FSIP1: variants seen among roughly 807,000 people sequenced by gnomAD.
The protein encoded by FSIP1 is fibrous sheath-interacting protein 1.
Under a neutral mutation model 60.9 loss-of-function variants are expected in FSIP1, and 65 were observed. That is an observed-to-expected ratio of 1.07 (90% confidence interval 0.87 to 1.31). The LOEUF (loss-of-function observed/expected upper bound fraction) is 1.31, where lower values mean the gene tolerates loss of function less well. Ranked by LOEUF, FSIP1 falls within the 40% of genes most tolerant of loss-of-function variation. FSIP1 has a pLI of 0.00. For synonymous variants in FSIP1, 209 were observed against 221.2 expected (o/e 0.94, Z 0.49); for missense variants, 675 against 665.5 (o/e 1.01, Z -0.16).
At chr15:39,766,552 G>A (rs1897696228) in intron 3 of FSIP1, among the ~76,000 whole-genome samples, 1 of 152,168 alleles carries the variant, frequency 6.6e-6, no homozygotes, top group African/African-American at 2.4e-5. Flanking sequence ...TTACACGTAT[G>A]TCCAAGGTCA....
intron 10 of FSIP1, among the ~76,000 whole-genome samples, chr15:39,711,859 T>G (rs1895528942): frequency 6.6e-6 from 1 of 151,840 alleles, no homozygotes; most frequent in African/African-American, 2.4e-5. Context: ...TAATTTTTTT[T>G]GTATTTTAGT....
chr15:39,696,792 G>A (rs1894829749), intron 10 of FSIP1, among the ~76,000 whole-genome samples: 1 of 150,602 alleles, frequency 6.6e-6, no homozygotes, highest in Admixed American at 6.7e-5. Context: ...TTTGTAAAAA[G>A]ACAAAAAAAG....
chr15:39,762,626 G>T (rs989239678), intron 5 of FSIP1, among the ~76,000 whole-genome samples: 1 of 152,210 alleles, frequency 6.6e-6, no homozygotes, highest in Non-Finnish European at 1.5e-5. Context: ...CAGCATGGCA[G>T]CCTTGGGTAA....
chr15:39,751,357 G>A (rs867168349), intron 5 of FSIP1, among the ~76,000 whole-genome samples: 16 of 151,238 alleles, frequency 1.1e-4, no homozygotes, highest in Middle Eastern at 3.4e-3. Flanking sequence ...TAATAGCCAA[G>A]ATATGGAAAC....
chr15:39,628,979 A>ACAT (rs1275733027), intron 10 of FSIP1, among the ~76,000 whole-genome samples: 1 of 152,222 alleles, frequency 6.6e-6, no homozygotes, highest in Non-Finnish European at 1.5e-5. Flanking sequence ...CAATGCTGGA[A>ACAT]CATCAATAGC....
rs185299127 is a variant in FSIP1 at position 39,613,664 on chromosome 15, G to T, written c.1699+4071C>A. Among the ~76,000 whole-genome samples, 1,421 of 151,324 alleles carry T rather than the reference G, an allele frequency of 9.4e-3. 24 individuals are homozygous for T. Among genetic ancestry groups the T allele is most frequent in the African/African-American group, 0.033 (1,359 of 41,062 alleles). On this transcript the variant is annotated intron_variant, in intron 11 of 11. Transcript: ENST00000350221. ...AAGAATACCACAAGAAAAAAAAATT[G>T]CAGGCCAATATCCCTGATAAACACA... is the stretch of plus-strand genomic sequence containing the variant.
intron 5 of FSIP1, among the ~76,000 whole-genome samples, chr15:39,745,814 G>A (rs4924386): frequency 0.27 from 40,870 of 151,984 alleles, 6,692 homozygotes; most frequent in Non-Finnish European, 0.38. Context: ...AGAGCCTGGC[G>A]TGGCTCACAC....
At chr15:39,694,485 G>A (rs1894731835) in intron 10 of FSIP1, among the ~76,000 whole-genome samples, 1 of 152,176 alleles carries the variant, frequency 6.6e-6, no homozygotes, top group South Asian at 2.1e-4. Flanking sequence ...ACATATTTAC[G>A]TGCAAAGTTT....
At chr15:39,693,251 GTGACTTCCAA>G (rs1184018394) in intron 10 of FSIP1, among the ~76,000 whole-genome samples, 1 of 152,158 alleles carries the variant, frequency 6.6e-6, no homozygotes, top group Non-Finnish European at 1.5e-5. Context: ...TTTGAGCTCC[GTGACTTCCAA>G]TGCTCTCACT....
chr15:39,690,185 G>C (rs1894539786), intron 10 of FSIP1, among the ~76,000 whole-genome samples: 1 of 152,194 alleles, frequency 6.6e-6, no homozygotes, highest in South Asian at 2.1e-4. Flanking sequence ...CGAGAGATGA[G>C]ACTGAAAAGC....
chr15:39,742,315 C>A (rs568330429), intron 5 of FSIP1, among the ~76,000 whole-genome samples: 3 of 152,084 alleles, frequency 2.0e-5, no homozygotes, highest in Non-Finnish European at 4.4e-5. Context: ...TTCAAATATG[C>A]GATCAGTCAT....
At chr15:39,759,993 G>T (rs1039135717) in intron 5 of FSIP1, among the ~76,000 whole-genome samples, 1 of 151,980 alleles carries the variant, frequency 6.6e-6, no homozygotes, top group African/African-American at 2.4e-5. Flanking sequence ...GGGGGATTGG[G>T]GTGGATTTTT....
intron 5 of FSIP1, among the ~76,000 whole-genome samples, chr15:39,742,730 C>T (rs541939217): frequency 1.2e-4 from 18 of 152,286 alleles, no homozygotes; most frequent in South Asian, 4.1e-4. Context: ...GATACATTCA[C>T]CCTCAACACA....
At chr15:39,738,298 C>T (rs999453367) in intron 7 of FSIP1, 97 bp from the exon 8 acceptor site, 34 of 724,124 alleles carry the variant, frequency 4.7e-5, no homozygotes, top group Admixed American at 2.2e-4. Context: ...TACAGATACA[C>T]AAAGAAAAGT....
At chr15:39,718,911 T>C (rs1318242263) in intron 9 of FSIP1, among the ~76,000 whole-genome samples, 2 of 152,240 alleles carry the variant, frequency 1.3e-5, no homozygotes, top group South Asian at 2.1e-4. Flanking sequence ...CAATCAGCTG[T>C]GCACTTTTGA....
At chr15:39,731,504 T>C (rs923285537) in intron 8 of FSIP1, among the ~76,000 whole-genome samples, 5 of 152,230 alleles carry the variant, frequency 3.3e-5, no homozygotes, top group Admixed American at 1.3e-4. Flanking sequence ...AATGGGATTA[T>C]TTTCATATGA....
chr15:39,694,705 C>A (rs1242296820), intron 10 of FSIP1, among the ~76,000 whole-genome samples: 1 of 151,740 alleles, frequency 6.6e-6, no homozygotes, highest in Non-Finnish European at 1.5e-5. Context: ...GAGGCCGAGG[C>A]AGGAAAATCG....
At chr15:39,654,567 C>T (rs1389980151) in intron 10 of FSIP1, among the ~76,000 whole-genome samples, 1 of 152,202 alleles carries the variant, frequency 6.6e-6, no homozygotes, top group Admixed American at 6.5e-5. Context: ...CTTTGAGAGA[C>T]AATAAATCCA....
intron 10 of FSIP1, among the ~76,000 whole-genome samples, chr15:39,640,126 C>T (rs943346354): frequency 4.6e-5 from 7 of 152,106 alleles, no homozygotes; most frequent in African/African-American, 1.2e-4. Context: ...CACTAAAACA[C>T]GCTTAGGACC....
Sources: gnomAD v4.1 joint callset for allele counts (sites outside exome capture counted in the v4.1 genomes callset) on GRCh38, gnomAD v4.1.1 for gene constraint, MANE v1.5 for transcripts, NCBI Gene and HGNC (gene_info 2026-07-23, HGNC 2026-07-21) for gene names.